The following TMEM263 variants were observed in gnomAD, a reference collection of about 807,000 sequenced individuals.
TMEM263 encodes UPF0444 transmembrane protein C12orf23.
TMEM263 carries 5 observed loss-of-function variants against 8.6 expected under a neutral mutation model. The ratio of observed to expected loss-of-function variants is 0.58; its 90% CI spans 0.31 to 1.23. The LOEUF (loss-of-function observed/expected upper bound fraction) is 1.23. TMEM263 is among the 50% of genes most tolerant of loss of function. The probability of loss-of-function intolerance (pLI) is 0.07; values close to 1 mark genes in which losing one functional copy is unlikely to be tolerated. For missense variants in TMEM263, 104 were observed against 138.8 expected, an observed-to-expected ratio of 0.75 and a Z score of 1.26; for synonymous variants, 50 against 47.9, an observed-to-expected ratio of 1.04 and a Z score of -0.18.
In TMEM263 at chr12:106,971,090, A is replaced by G. The variant is rs759378727; in HGVS notation, c.65-15A>G. The G allele has an allele frequency of 3.1e-6, 5 of 1,612,148 alleles. No individual in the cohort carries two copies. Among genetic ancestry groups the G allele is most frequent in the Non-Finnish European group, 2.5e-6 (3 of 1,178,936 alleles). On this transcript the variant is annotated splice_polypyrimidine_tract_variant and intron_variant, in intron 3 of 3. Coordinates refer to ENST00000280756, the MANE Select transcript of TMEM263 (RefSeq NM_152261.4). The stretch of plus-strand genomic sequence containing the variant: ...GACTTATATTTGATTGTCTCATGAT[A>G]TTTTCTCTCATTAGGTTCAATGAAA...
rs926674313 is a variant in TMEM263, at chr12:106,970,678, A to G, written c.65-427A>G. On this transcript the variant is annotated intron_variant, in intron 3 of 3. Transcript: ENST00000280756. Reference sequence around the variant, plus strand: ...GGTCCCAGACCATACCTTGAAAACTACTGCATTTTACGAAGAAGATTGTTT... The same window carrying G: ...GGTCCCAGACCATACCTTGAAAACTGCTGCATTTTACGAAGAAGATTGTTT... Among the ~76,000 whole-genome samples, 3 of 152,344 alleles carry G rather than the reference A, an allele frequency of 2.0e-5. No individual in the cohort carries two copies. The East Asian group carries it at 5.8e-4, about 29-fold the overall frequency.
intron 3 of TMEM263, among the ~76,000 whole-genome samples, chr12:106,968,269 G>C (rs532631749): frequency 7.2e-5 from 11 of 152,002 alleles, no homozygotes; most frequent in Admixed American, 2.0e-4. Context: ...AGCAACAAAG[G>C]GTTTACACTT....
intron 2 of TMEM263, among the ~76,000 whole-genome samples, chr12:106,958,410 C>T (rs1215043716): frequency 6.6e-6 from 1 of 152,180 alleles, no homozygotes; most frequent in Non-Finnish European, 1.5e-5. Context: ...TTACTTATTT[C>T]TATTATTGGA....
chr12:106,959,276 T>C (rs1951738228), intron 2 of TMEM263: 1 of 152,250 alleles, frequency 6.6e-6, no homozygotes, highest in Non-Finnish European at 1.5e-5. Context: ...GGAGTCTTGC[T>C]CTGTCGCCCA....
intron 2 of TMEM263, among the ~76,000 whole-genome samples, chr12:106,963,281 G>A (rs754052424): frequency 8.5e-5 from 13 of 152,178 alleles, no homozygotes; most frequent in Non-Finnish European, 2.9e-5. Flanking sequence ...AGTATGACAC[G>A]ACTGGACTGA....
At position 106,973,349 on chromosome 12, in the gene TMEM263, A is replaced by G. The variant is rs987365502; in HGVS notation, c.*1958A>G. The G allele has an allele frequency of 2.6e-5, 4 of 152,534 alleles. No individual in the cohort carries two copies. The highest frequency in any genetic ancestry group is 2.9e-5 in the Non-Finnish European group (2 of 67,988). The allele number at this position is 152,534 out of a possible 1,614,324, so 9.4% of individuals were successfully genotyped here. A position where few individuals can be genotyped will look rare whatever the true frequency, so the allele number is the denominator to read the frequency against. ...TGCTTCATTGCTAGTTTGTATTTCTAACTTCTACAGTTATAGACTCCACTG... is the reference window on the plus strand; with the variant it reads ...TGCTTCATTGCTAGTTTGTATTTCTGACTTCTACAGTTATAGACTCCACTG... On this transcript the variant is annotated 3_prime_UTR_variant, in exon 4 of 4. Transcript: ENST00000280756.
intron 2 of TMEM263, 67 bp from the exon 3 acceptor site, chr12:106,967,044 C>A: frequency 2.0e-6 from 2 of 994,848 alleles, no homozygotes; most frequent in Non-Finnish European, 3.1e-6. Context: ...CGCAATTTAG[C>A]ATGTGATAAG....
At position 106,973,983 on chromosome 12, in the gene TMEM263, A is replaced by G. The variant is rs1199609830; in HGVS notation, c.*2592A>G. 1 of 152,478 alleles carries G rather than the reference A, an allele frequency of 6.6e-6. No individual in the cohort carries two copies. The highest frequency in any genetic ancestry group is 2.4e-5 in the African/African-American group (1 of 41,464). The allele number at this position is 152,478 out of a possible 1,614,324, so 9.4% of individuals were successfully genotyped here. On this transcript the variant is annotated 3_prime_UTR_variant, in exon 4 of 4. Transcript: ENST00000280756. ...TGTTAATAAAGCACTATGATCTGCA[A>G]ACGATGGAATGTTTCATAAAGATCT...
chr12:106,971,317 G>C lies in TMEM263; in HGVS notation c.277G>C (p.Gly93Arg). The C allele has an allele frequency of 1.2e-6, 2 of 1,614,140 alleles. No homozygotes were observed. The highest frequency in any genetic ancestry group is 8.5e-7 in the Non-Finnish European group (1 of 1,180,012). ...VKGGVSAVAG[G>R]VTAVGSAVVN... is the part of the protein sequence containing the mutation. ...AGGGGGTGTCTCTGCTGTGGCTGGAGGTGTTACAGCTGTTGGGTCTGCTGT... is the reference window on the plus strand; with the variant it reads ...AGGGGGTGTCTCTGCTGTGGCTGGACGTGTTACAGCTGTTGGGTCTGCTGT... Residue 93 changes from glycine (G) to arginine (R), a missense_variant, in exon 4 of 4, where the codon GGT becomes CGT. Transcript: ENST00000280756.
intron 2 of TMEM263, among the ~76,000 whole-genome samples, chr12:106,966,159 G>A (rs1951844451): frequency 6.6e-6 from 1 of 152,054 alleles, no homozygotes; most frequent in African/African-American, 2.4e-5. Context: ...CTACAAGCAG[G>A]CCCTGGTGTC....
intron 2 of TMEM263, among the ~76,000 whole-genome samples, chr12:106,961,224 A>ATTTT (rs554707654): frequency 2.1e-4 from 16 of 75,132 alleles, no homozygotes; most frequent in East Asian, 3.5e-4. Context: ...TGCCCAGTCA[A>ATTTT]TTTTTTTTTT....
chr12:106,968,935 T>TA (rs1328374883), intron 3 of TMEM263, among the ~76,000 whole-genome samples: 2 of 152,218 alleles, frequency 1.3e-5, no homozygotes, highest in Non-Finnish European at 2.9e-5. Flanking sequence ...TTATAACTAA[T>TA]ATATTCAAAT....
At chr12:106,965,510 A>G (rs1041785668) in intron 2 of TMEM263, among the ~76,000 whole-genome samples, 6 of 142,254 alleles carry the variant, frequency 4.2e-5, no homozygotes, top group Non-Finnish European at 7.4e-5. Flanking sequence ...GGGAGGCTGA[A>G]GCAGAAGAAT....
At chr12:106,956,140 C>A in intron 1 of TMEM263, 75 bp downstream of exon 1, 1 of 795,758 alleles carries the variant, frequency 1.3e-6, no homozygotes, top group Non-Finnish European at 1.5e-6. Flanking sequence ...CTGCCGTCGG[C>A]GCCCCTGCCC....
intron 3 of TMEM263, among the ~76,000 whole-genome samples, chr12:106,968,832 G>A (rs1024691771): frequency 6.6e-6 from 1 of 152,206 alleles, no homozygotes; most frequent in Non-Finnish European, 1.5e-5. Flanking sequence ...GCAGTTATCT[G>A]TTGTAGCCTC....
chr12:106,961,061 GTCCTA>G (rs1951768450), intron 2 of TMEM263, among the ~76,000 whole-genome samples: 1 of 141,476 alleles, frequency 7.1e-6, no homozygotes, highest in African/African-American at 2.9e-5. Flanking sequence ...GTCCTGTCCT[GTCCTA>G]TCGTTTGAGA....
chr12:106,964,738 G>T (rs1251058533), intron 2 of TMEM263, among the ~76,000 whole-genome samples: 1 of 152,208 alleles, frequency 6.6e-6, no homozygotes, highest in Non-Finnish European at 1.5e-5. Context: ...CTCAGTAGGG[G>T]TGCAGAGAAG....
At chr12:106,956,896 A>G (rs529909260) in intron 1 of TMEM263, 186 bp from the exon 2 acceptor site, 10 of 177,098 alleles carry the variant, frequency 5.6e-5, no homozygotes, top group Non-Finnish European at 9.9e-5. Context: ...TGCTAAAGAA[A>G]AAAAAAAGAT....
chr12:106,967,579 G>T (rs1437719939), intron 3 of TMEM263, among the ~76,000 whole-genome samples: 1 of 152,088 alleles, frequency 6.6e-6, no homozygotes, highest in African/African-American at 2.4e-5. Flanking sequence ...TTTTATTAAA[G>T]AAATATAACC....
Sources: allele counts gnomAD v4.1 joint callset (sites outside exome capture counted in the v4.1 genomes callset), GRCh38; gene constraint gnomAD v4.1.1; transcripts MANE v1.5; gene names NCBI Gene and HGNC (gene_info 2026-07-23, HGNC 2026-07-21).